The following RTN4 variants were observed in gnomAD, a reference collection of about 807,000 sequenced individuals.
RTN4 encodes reticulon 4.
A neutral mutation model predicts 90.4 loss-of-function variants in RTN4; 32 were observed. That is an observed-to-expected ratio of 0.35 (90% confidence interval 0.27 to 0.48). The LOEUF is 0.48. Ranked by LOEUF, RTN4 falls within the 20% of genes least tolerant of loss-of-function variation. RTN4 has a pLI of 0.99. For missense variants in RTN4, 1,706 were observed against 1,430.2 expected (o/e 1.19, Z -3.11); for synonymous variants, 629 against 552.5 (o/e 1.14, Z -1.94).
chr2:55,090,455 T>C (rs1573511079), intron 1 of RTN4, among the ~76,000 whole-genome samples: 1 of 152,326 alleles, frequency 6.6e-6, no homozygotes, highest in East Asian at 1.9e-4. Flanking sequence ...ATTTCCTCTC[T>C]GAGAAGAGGA....
At chr2:55,048,648 T>A (rs149809664) in intron 1 of RTN4, among the ~76,000 whole-genome samples, 5 of 152,244 alleles carry the variant, frequency 3.3e-5, no homozygotes, top group Non-Finnish European at 7.3e-5. Flanking sequence ...CGGTCTGTCC[T>A]TGACCTAAAC....
chr2:55,104,588 T>C (rs996705281), intron 1 of RTN4, among the ~76,000 whole-genome samples: 4 of 151,854 alleles, frequency 2.6e-5, no homozygotes, highest in African/African-American at 9.7e-5. Flanking sequence ...TGGCCTCACG[T>C]GATCCACCTG....
intron 2 of RTN4, among the ~76,000 whole-genome samples, chr2:55,058,294 C>T (rs1262810069): frequency 1.3e-5 from 2 of 152,128 alleles, no homozygotes; most frequent in South Asian, 2.1e-4. Context: ...TGCAAACATC[C>T]TTGATGAAGC....
At chr2:55,107,326 G>A (rs1667960612) in intron 1 of RTN4, among the ~76,000 whole-genome samples, 1 of 142,488 alleles carries the variant, frequency 7.0e-6, no homozygotes, top group African/African-American at 2.6e-5. Flanking sequence ...TTATCAGCAA[G>A]CAATATTTTC....
chr2:55,126,788 G>C, the RTN4 span, among the ~76,000 whole-genome samples: 15 of 152,208 alleles, frequency 9.9e-5, 1 homozygote, highest in African/African-American at 3.6e-4. Flanking sequence ...ATGCCCATCA[G>C]TGACAGATTG....
chr2:55,011,120 A>ATGTG (rs1488859543), intron 3 of RTN4, among the ~76,000 whole-genome samples: 1 of 152,090 alleles, frequency 6.6e-6, no homozygotes, highest in Non-Finnish European at 1.5e-5. Context: ...TGGCAACCTC[A>ATGTG]ACCTCCCAGG....
intron 1 of RTN4, among the ~76,000 whole-genome samples, chr2:55,097,818 G>A (rs568840485): frequency 6.6e-6 from 1 of 152,200 alleles, no homozygotes; most frequent in South Asian, 2.1e-4. Context: ...GTCAGGGCTG[G>A]AGATAAGGAT....
chr2:55,095,509 G>A (rs1299071169), intron 1 of RTN4, among the ~76,000 whole-genome samples: 1 of 152,068 alleles, frequency 6.6e-6, no homozygotes, highest in Non-Finnish European at 1.5e-5. Context: ...ACACTATTCA[G>A]ATTTTTTTCT....
rs1229728735 is a variant in RTN4, at chr2:55,025,749, T to C, written c.2350A>G (p.Asn784Asp). Reference protein sequence around the residue: ...TSFESMIEYENKEKLSALPPE... With the variant: ...TSFESMIEYEDKEKLSALPPE... ...GGCAAAGCACTGAGTTTTTCCTTAT[T>C]TTCATATTCTATCATTGACTCAAAT... Residue 784 changes from asparagine to aspartate, a missense_variant, in exon 3 of 9, where the codon AAT (asparagine) becomes GAT (aspartate). Coordinates refer to ENST00000337526, the MANE Select transcript of RTN4 (RefSeq NM_020532.5). 3.1e-6 allele frequency: 5 copies of C among 1,613,526 alleles called. No homozygotes were observed. The highest frequency in any genetic ancestry group is 4.2e-6 in the Non-Finnish European group (5 of 1,179,766).
chr2:55,092,834 C>A (rs1668964399), intron 1 of RTN4, among the ~76,000 whole-genome samples: 1 of 152,248 alleles, frequency 6.6e-6, no homozygotes, highest in South Asian at 2.1e-4. Flanking sequence ...AGAAGCGGCC[C>A]CAGGAAAATT....
chr2:55,089,114 G>A (rs542637611), intron 1 of RTN4, among the ~76,000 whole-genome samples: 2 of 152,050 alleles, frequency 1.3e-5, no homozygotes, highest in South Asian at 4.2e-4. Flanking sequence ...ATAGAGATGG[G>A]GTTTCACCAT....
Position 54,972,327 on chromosome 2 carries a change from A to ATATT in RTN4, c.*825_*828dup, listed in dbSNP as rs1677101368. The ATATT allele has an allele frequency of 6.6e-6, 1 of 152,560 alleles. No individual in the cohort carries two copies. Among genetic ancestry groups the ATATT allele is most frequent in the Admixed American group, 6.6e-5 (1 of 15,264 alleles). The allele number at this position is 152,560 out of a possible 1,614,324, so 9.5% of individuals were successfully genotyped here. ...ATAATTTCTTGCATAACAATGTTTG[A>ATATT]TATTTGCAAACAAACAACATTTTTG... is the stretch of plus-strand genomic sequence containing the variant. On this transcript the variant is annotated 3_prime_UTR_variant, in exon 9 of 9. Transcript: ENST00000337526.
At chr2:55,086,758 C>G (rs1190751202) in intron 1 of RTN4, among the ~76,000 whole-genome samples, 1 of 152,156 alleles carries the variant, frequency 6.6e-6, no homozygotes, top group East Asian at 1.9e-4. Context: ...ATCATCTTTC[C>G]CGCAAAGGTA....
chr2:55,089,714 C>T (rs1250751095), intron 1 of RTN4, among the ~76,000 whole-genome samples: 1 of 152,204 alleles, frequency 6.6e-6, no homozygotes, highest in African/African-American at 2.4e-5. Context: ...AGATACAAGC[C>T]CACCTCCAAA....
chr2:55,088,869 G>A (rs1668888168), intron 1 of RTN4, among the ~76,000 whole-genome samples: 1 of 152,174 alleles, frequency 6.6e-6, no homozygotes, highest in Non-Finnish European at 1.5e-5. Context: ...ATTATTTACA[G>A]GGCAGTTTAT....
chr2:55,118,874 C>T, the RTN4 span, among the ~76,000 whole-genome samples: 2 of 152,236 alleles, frequency 1.3e-5, no homozygotes, highest in Admixed American at 6.5e-5. Flanking sequence ...TATCAGGAAG[C>T]AAGCAGCCTG....
chr2:54,979,220 T>C (rs1230250658), intron 5 of RTN4, among the ~76,000 whole-genome samples: 2 of 71,894 alleles, frequency 2.8e-5, no homozygotes, highest in Non-Finnish European at 6.0e-5. Context: ...GGCTGGCTGA[T>C]TTTTCAGTTT....
chr2:54,987,445 T>C, intron 4 of RTN4, 46 bp downstream of exon 4: 2 of 1,326,424 alleles, frequency 1.5e-6, no homozygotes, highest in Non-Finnish European at 2.2e-6. Context: ...ATACCAATCC[T>C]GTTTACACTA....
At chr2:55,102,885 G>A (rs1193894349) in intron 1 of RTN4, among the ~76,000 whole-genome samples, 1 of 152,062 alleles carries the variant, frequency 6.6e-6, no homozygotes, top group East Asian at 1.9e-4. Flanking sequence ...TTGGGAGGCT[G>A]AGGCGGGCGG....
Sources: gnomAD v4.1 joint callset for allele counts (sites outside exome capture counted in the v4.1 genomes callset) on GRCh38, gnomAD v4.1.1 for gene constraint, MANE v1.5 for transcripts, NCBI Gene and HGNC (gene_info 2026-07-23, HGNC 2026-07-21) for gene names.